The following KLHL4 variants were observed in gnomAD, a reference collection of about 807,000 sequenced individuals.
The protein encoded by KLHL4 is kelch like family member 4, also known as kelch-like protein 4.
KLHL4 carries 17 observed loss-of-function variants against 45.8 expected under a neutral mutation model. That is an observed-to-expected ratio of 0.37 (90% CI 0.25 to 0.56). The LOEUF (loss-of-function observed/expected upper bound fraction) is 0.56, where lower values mean the gene tolerates loss of function less well. Among genes scored for constraint, KLHL4 ranks in the 20% least tolerant of loss-of-function variants. The probability of loss-of-function intolerance (pLI) is 0.79; values close to 1 mark genes in which losing one functional copy is unlikely to be tolerated. For synonymous variants in KLHL4, 224 were observed against 189.9 expected (o/e 1.18, Z -1.47); for missense variants, 544 against 544.9 (o/e 1.00, Z 0.02).
intron 8 of KLHL4, among the ~76,000 whole-genome samples, chrX:87,634,654 A>C (rs1923203162): frequency 8.9e-6 from 1 of 111,942 alleles, no homozygotes; most frequent in African/African-American, 3.2e-5. Flanking sequence ...TCTCAGTCAA[A>C]ATGTCAACGC....
chrX:87,606,001 G>C (rs1207176212), intron 1 of KLHL4, among the ~76,000 whole-genome samples: 1 of 110,963 alleles, frequency 9.0e-6, no homozygotes, highest in Non-Finnish European at 1.9e-5. Context: ...ATATGGTCTT[G>C]TTTGTTTTCT....
At chrX:87,556,913 G>T in intron 1 of KLHL4, among the ~76,000 whole-genome samples, 1 of 111,203 alleles carries the variant, frequency 9.0e-6, no homozygotes. Context: ...AAAGGAAGGG[G>T]AAAGCCTGAT....
chrX:87,663,383 T>A (rs781129570), intron 9 of KLHL4, among the ~76,000 whole-genome samples: 5 of 112,416 alleles, frequency 4.4e-5, no homozygotes, highest in Non-Finnish European at 9.4e-5. Context: ...CTCCTGTGTA[T>A]CTTTACAGAT....
intron 1 of KLHL4, among the ~76,000 whole-genome samples, chrX:87,580,214 G>T (rs1234382735): frequency 9.3e-6 from 1 of 107,203 alleles, no homozygotes. Context: ...AATACATATA[G>T]AATATACACA....
At chrX:87,635,963 C>T (rs1312199083) in intron 9 of KLHL4, among the ~76,000 whole-genome samples, 188 bp downstream of exon 9, 1 of 111,626 alleles carries the variant, frequency 9.0e-6, no homozygotes, top group Non-Finnish European at 1.9e-5. Flanking sequence ...AGACTCTAGT[C>T]CCCTCCTGTT....
chrX:87,632,034 G>C (rs1431707594), intron 6 of KLHL4, among the ~76,000 whole-genome samples, 176 bp from the exon 7 acceptor site: 1 of 111,977 alleles, frequency 8.9e-6, no homozygotes, highest in Non-Finnish European at 1.9e-5. Context: ...AGTGGTAAAA[G>C]ATTATCCTTT....
chrX:87,554,265 G>A (rs1300354257), intron 1 of KLHL4, among the ~76,000 whole-genome samples: 14 of 87,228 alleles, frequency 1.6e-4, no homozygotes, highest in Non-Finnish European at 1.1e-4. Flanking sequence ...AAAGTCATTG[G>A]TAGCTTGATG....
chrX:87,623,727 C>T (rs1204271413), intron 5 of KLHL4, among the ~76,000 whole-genome samples: 1 of 111,135 alleles, frequency 9.0e-6, no homozygotes, highest in Non-Finnish European at 1.9e-5. Flanking sequence ...ATCCAAAGAG[C>T]AAGGAAGGCA....
chrX:87,524,376 A>G (rs1167573064), intron 1 of KLHL4, among the ~76,000 whole-genome samples: 2 of 112,243 alleles, frequency 1.8e-5, no homozygotes, highest in Non-Finnish European at 3.8e-5. Context: ...AAATAAGCAC[A>G]ATTATTAACT....
At chrX:87,543,543 G>T in intron 1 of KLHL4, among the ~76,000 whole-genome samples, 1 of 111,193 alleles carries the variant, frequency 9.0e-6, no homozygotes, top group Middle Eastern at 4.6e-3. Context: ...GAGCTTCTCT[G>T]GGTGCTGGGG....
At chrX:87,652,512 G>T (rs986122993) in intron 9 of KLHL4, among the ~76,000 whole-genome samples, 43 of 111,907 alleles carry the variant, frequency 3.8e-4, no homozygotes, top group African/African-American at 1.3e-3. Flanking sequence ...CAAGTTTAAA[G>T]TTGCACAAAT....
At chrX:87,603,024 C>T (rs1922069250) in intron 1 of KLHL4, among the ~76,000 whole-genome samples, 1 of 111,214 alleles carries the variant, frequency 9.0e-6, no homozygotes, top group Non-Finnish European at 1.9e-5. Context: ...GTAGTCAAGA[C>T]AGTGTCTGTA....
At chrX:87,630,889 A>G (rs919998591) in intron 6 of KLHL4, among the ~76,000 whole-genome samples, 1 of 111,985 alleles carries the variant, frequency 8.9e-6, no homozygotes, top group Non-Finnish European at 1.9e-5. Flanking sequence ...CACAGAAATC[A>G]AAGACATGGA....
intron 3 of KLHL4, among the ~76,000 whole-genome samples, chrX:87,614,872 C>A (rs1479631942): frequency 9.0e-6 from 1 of 110,815 alleles, no homozygotes; most frequent in Non-Finnish European, 1.9e-5. Context: ...CATACAGGAA[C>A]AATTCTGGAA....
chrX:87,667,527 C>G lies in KLHL4; in HGVS notation c.*993C>G, dbSNP rs1320990171. The stretch of plus-strand genomic sequence containing the variant: ...AATTCTATAGTTATCTTTTTTGTAC[C>G]AACACATGCTTTTCTGTTACTGTTA... On this transcript the variant is annotated 3_prime_UTR_variant, in exon 11 of 11. Transcript: ENST00000373119. 2 of 710,789 alleles carry G rather than the reference C, an allele frequency of 2.8e-6. No homozygotes were observed. The highest frequency in any genetic ancestry group is 4.8e-5 in the African/African-American group (2 of 41,493). The allele number at this position is 710,789 out of a possible 1,213,427, so 58.6% of individuals were successfully genotyped here.
intron 9 of KLHL4, among the ~76,000 whole-genome samples, chrX:87,636,017 A>AT (rs1383194843): frequency 4.5e-5 from 5 of 111,013 alleles, no homozygotes; most frequent in South Asian, 3.7e-4. Flanking sequence ...TTTAATTTTA[A>AT]TTTTTTATTT....
At chrX:87,579,931 C>A (rs1356690829) in intron 1 of KLHL4, among the ~76,000 whole-genome samples, 1 of 111,378 alleles carries the variant, frequency 9.0e-6, no homozygotes, top group East Asian at 2.8e-4. Context: ...TACAGAATAC[C>A]ATAATAATGC....
At chrX:87,582,817 C>T (rs2147795829) in intron 1 of KLHL4, among the ~76,000 whole-genome samples, 1 of 111,742 alleles carries the variant, frequency 8.9e-6, no homozygotes, top group African/African-American at 3.3e-5. Context: ...AAATAGTGAG[C>T]AGCAGCAAGA....
In KLHL4 at chrX:87,668,085, A is replaced by T; in HGVS notation, c.*1551A>T. ...CCATTGTCTCTAATTCTAAAGAGAG[A>T]GCTATAGATTTCTGCAGTTCTAGAG... On this transcript the variant is annotated 3_prime_UTR_variant, in exon 11 of 11. Coordinates refer to ENST00000373119, the MANE Select transcript of KLHL4 (RefSeq NM_019117.5). 1.3e-6 allele frequency: 1 copy of T among 748,700 alleles called. No individual in the cohort carries two copies. Among genetic ancestry groups the T allele is most frequent in the South Asian group, 6.8e-5 (1 of 14,726 alleles). The allele number at this position is 748,700 out of a possible 1,213,427, so 61.7% of individuals were successfully genotyped here.
Sources: allele counts gnomAD v4.1 joint callset (sites outside exome capture counted in the v4.1 genomes callset), GRCh38; gene constraint gnomAD v4.1.1; transcripts MANE v1.5; gene names NCBI Gene and HGNC (gene_info 2026-07-23, HGNC 2026-07-21).